Variants in RAP1A observed in about 807,000 individuals in gnomAD.
RAP1A encodes ras-related protein Rap-1A.
A neutral mutation model predicts 26.4 loss-of-function variants in RAP1A; 6 were observed. The observed-to-expected ratio is 0.23, with a 90% CI of 0.12 to 0.45. The LOEUF is 0.45. RAP1A is among the 20% of genes least tolerant of loss of function. The probability of loss-of-function intolerance (pLI) is 0.99; values close to 1 mark genes in which losing one functional copy is unlikely to be tolerated. For synonymous variants in RAP1A, 73 were observed against 79.4 expected, an observed-to-expected ratio of 0.92 and a Z score of 0.43; for missense variants, 121 against 217.2, an observed-to-expected ratio of 0.56 and a Z score of 2.78.
intron 2 of RAP1A, among the ~76,000 whole-genome samples, chr1:111,691,623 A>G (rs541452310): frequency 6.6e-6 from 1 of 152,340 alleles, no homozygotes; most frequent in South Asian, 2.1e-4. Flanking sequence ...TATTTACCAA[A>G]TATTTATTGG....
At chr1:111,657,681 T>C (rs1660505575) in intron 1 of RAP1A, among the ~76,000 whole-genome samples, 1 of 152,170 alleles carries the variant, frequency 6.6e-6, no homozygotes, top group Non-Finnish European at 1.5e-5. Flanking sequence ...AATATCCAGT[T>C]TTTCTAGCAC....
At chr1:111,671,328 G>A (rs1660967473) in intron 1 of RAP1A, among the ~76,000 whole-genome samples, 2 of 152,138 alleles carry the variant, frequency 1.3e-5, no homozygotes, top group Non-Finnish European at 2.9e-5. Context: ...TATGTTTTTA[G>A]AGTGGATTGC....
At chr1:111,560,825 G>C (rs979325390) in intron 1 of RAP1A, among the ~76,000 whole-genome samples, 1 of 152,136 alleles carries the variant, frequency 6.6e-6, no homozygotes, top group African/African-American at 2.4e-5. Context: ...TAGAGACCAA[G>C]GAAAATGTAT....
At chr1:111,621,632 T>G (rs1659206462) in intron 1 of RAP1A, among the ~76,000 whole-genome samples, 1 of 152,224 alleles carries the variant, frequency 6.6e-6, no homozygotes, top group African/African-American at 2.4e-5. Context: ...GATACTGCAG[T>G]CCATTTCCAG....
At chr1:111,709,298 C>A in intron 7 of RAP1A, 34 bp downstream of exon 7, 1 of 1,537,722 alleles carries the variant, frequency 6.5e-7, no homozygotes, top group South Asian at 1.3e-5. Flanking sequence ...GTGCCTTTCT[C>A]ATGCTCCTAT....
At chr1:111,623,994 C>T (rs909563187) in intron 1 of RAP1A, among the ~76,000 whole-genome samples, 3 of 152,082 alleles carry the variant, frequency 2.0e-5, no homozygotes, top group African/African-American at 7.2e-5. Context: ...CTAAAATTCT[C>T]TTATTTTAGT....
intron 1 of RAP1A, among the ~76,000 whole-genome samples, chr1:111,631,178 T>C (rs1659556786): frequency 6.6e-6 from 1 of 152,202 alleles, no homozygotes; most frequent in Admixed American, 6.6e-5. Context: ...AAATAAAATA[T>C]TGTACTTATC....
At chr1:111,565,605 A>G (rs1412202921) in intron 1 of RAP1A, among the ~76,000 whole-genome samples, 1 of 152,240 alleles carries the variant, frequency 6.6e-6, no homozygotes, top group African/African-American at 2.4e-5. Context: ...TGTGACTAGT[A>G]TGGCTGGGGA....
intron 1 of RAP1A, among the ~76,000 whole-genome samples, chr1:111,570,114 G>T (rs533597086): frequency 1.3e-5 from 2 of 152,260 alleles, no homozygotes; most frequent in Admixed American, 6.5e-5. Flanking sequence ...GATCTCAAAT[G>T]CCCTGTGAGC....
At chr1:111,588,032 A>G (rs1048951876) in intron 1 of RAP1A, among the ~76,000 whole-genome samples, 2 of 152,184 alleles carry the variant, frequency 1.3e-5, no homozygotes, top group African/African-American at 4.8e-5. Context: ...CACAGCCTCA[A>G]ATCTCTACGC....
At chr1:111,561,048 G>A (rs1007646231) in intron 1 of RAP1A, among the ~76,000 whole-genome samples, 6 of 152,216 alleles carry the variant, frequency 3.9e-5, no homozygotes, top group African/African-American at 1.2e-4. Flanking sequence ...TGACTTGAAA[G>A]AGGACCATAC....
chr1:111,554,454 A>G (rs1657399740), intron 1 of RAP1A, among the ~76,000 whole-genome samples: 1 of 152,246 alleles, frequency 6.6e-6, no homozygotes, highest in South Asian at 2.1e-4. Flanking sequence ...TAGCTGTTCT[A>G]GAACATTTGC....
rs1553229934 is a variant in RAP1A at position 111,715,320 on chromosome 1, C to CCCCG, written c.*2922_*2923insGCCC. The CCCCG allele has an allele frequency of 7.6e-6, 1 of 132,248 alleles. No individual in the cohort carries two copies. Among genetic ancestry groups the CCCCG allele is most frequent in the African/African-American group, 3.3e-5 (1 of 30,026 alleles). 8.2% of individuals were successfully genotyped at this position (132,248 alleles called of 1,614,324 possible). On this transcript the variant is annotated 3_prime_UTR_variant, in exon 8 of 8. Transcript: ENST00000369709. ...CTTGAACTCCTGACTTCGTGATCCG[C>CCCCG]CCCCCCCTCAGCCTCCCAAAGTGCT...
intron 1 of RAP1A, among the ~76,000 whole-genome samples, chr1:111,576,169 G>A (rs1658143693): frequency 6.6e-6 from 1 of 152,170 alleles, no homozygotes; most frequent in African/African-American, 2.4e-5. Context: ...CTGGTTCAGT[G>A]GGTCTACGGT....
intron 1 of RAP1A, among the ~76,000 whole-genome samples, chr1:111,602,718 C>T (rs1456981958): frequency 6.6e-6 from 1 of 152,228 alleles, no homozygotes; most frequent in South Asian, 2.1e-4. Flanking sequence ...TATTTAGCTA[C>T]TCTGGCCATT....
At chr1:111,645,000 A>G (rs1263674193) in intron 1 of RAP1A, among the ~76,000 whole-genome samples, 1 of 152,198 alleles carries the variant, frequency 6.6e-6, no homozygotes, top group Non-Finnish European at 1.5e-5. Context: ...TCAGAATATT[A>G]TATCTCTCTC....
intron 4 of RAP1A, 48 bp from the exon 5 acceptor site, chr1:111,703,288 C>A: frequency 7.9e-7 from 1 of 1,264,484 alleles, no homozygotes. Context: ...TTGCAGTATA[C>A]ATTCAAGAAA....
chr1:111,698,364 G>A (rs1378969778), intron 4 of RAP1A, among the ~76,000 whole-genome samples: 1 of 152,082 alleles, frequency 6.6e-6, no homozygotes, highest in Non-Finnish European at 1.5e-5. Flanking sequence ...AGTCTCCTGG[G>A]CTCAAACAGT....
At chr1:111,649,215 TGG>T in intron 1 of RAP1A, 1 of 495,160 alleles carries the variant, frequency 2.0e-6, no homozygotes, top group Non-Finnish European at 4.0e-6. Flanking sequence ...GTCCCTGAGC[TGG>T]GGTCCCTTCT....
Sources: gnomAD v4.1 joint callset for allele counts (sites outside exome capture counted in the v4.1 genomes callset) on GRCh38, gnomAD v4.1.1 for gene constraint, MANE v1.5 for transcripts, NCBI Gene and HGNC (gene_info 2026-07-23, HGNC 2026-07-21) for gene names.